Variants in ADGRL3 observed in about 807,000 individuals in gnomAD.
ADGRL3 encodes the protein calcium-independent alpha-latrotoxin receptor 3.
A neutral mutation model predicts 153.5 loss-of-function variants in ADGRL3; 62 were observed. The observed-to-expected ratio is 0.40, with a 90% CI of 0.33 to 0.50. The LOEUF (loss-of-function observed/expected upper bound fraction) is 0.50, where lower values mean the gene tolerates loss of function less well. Ranked by LOEUF, ADGRL3 falls within the 20% of genes least tolerant of loss-of-function variation. The probability of loss-of-function intolerance (pLI) is 0.47; values close to 1 mark genes in which losing one functional copy is unlikely to be tolerated. For missense variants in ADGRL3, 1,641 were observed against 1,859.4 expected (o/e 0.88, Z 2.16); for synonymous variants, 710 against 672.5 (o/e 1.06, Z -0.86).
chr4:61,601,974 A>G (rs929843498), intron 5 of ADGRL3, among the ~76,000 whole-genome samples: 6 of 152,140 alleles, frequency 3.9e-5, no homozygotes, highest in African/African-American at 7.2e-5. Flanking sequence ...ATGTTGTTAG[A>G]TCAAAAATGT....
intron 1 of ADGRL3, among the ~76,000 whole-genome samples, chr4:61,232,510 T>C (rs1751120872): frequency 6.6e-6 from 1 of 152,086 alleles, no homozygotes; most frequent in Non-Finnish European, 1.5e-5. Flanking sequence ...GGTTTCACCA[T>C]GTTGGCCAGG....
chr4:61,867,872 G>T (rs868591587), intron 9 of ADGRL3, among the ~76,000 whole-genome samples: 1 of 151,928 alleles, frequency 6.6e-6, no homozygotes, highest in Admixed American at 6.6e-5. Flanking sequence ...TTATAAATAT[G>T]TGGATTTTTT....
At chr4:61,525,073 A>G (rs2098551756) in intron 4 of ADGRL3, among the ~76,000 whole-genome samples, 1 of 152,108 alleles carries the variant, frequency 6.6e-6, no homozygotes, top group Non-Finnish European at 1.5e-5. Context: ...CAAGAGAAAG[A>G]ATAGGTAAAC....
At chr4:61,849,067 A>G (rs2098170362) in intron 9 of ADGRL3, among the ~76,000 whole-genome samples, 2 of 152,194 alleles carry the variant, frequency 1.3e-5, no homozygotes, top group African/African-American at 2.4e-5. Flanking sequence ...CAGTGAAGTT[A>G]TGATAGCAGT....
chr4:61,463,104 T>C (rs982836990), intron 2 of ADGRL3, among the ~76,000 whole-genome samples: 3 of 152,170 alleles, frequency 2.0e-5, no homozygotes, highest in Non-Finnish European at 2.9e-5. Flanking sequence ...TTTCTAGATA[T>C]GGTTAAAGGG....
chr4:61,333,644 A>G (rs781627451), intron 1 of ADGRL3, among the ~76,000 whole-genome samples: 1 of 151,796 alleles, frequency 6.6e-6, no homozygotes, highest in Non-Finnish European at 1.5e-5. Context: ...CCCAGGCTGG[A>G]ATGCAGGTCA....
At chr4:61,221,072 G>A (rs1440850097) in intron 1 of ADGRL3, among the ~76,000 whole-genome samples, 6 of 152,152 alleles carry the variant, frequency 3.9e-5, no homozygotes, top group African/African-American at 1.4e-4. Flanking sequence ...AGAAAACAGT[G>A]TCACTATTGC....
At chr4:61,936,451 A>G (rs1259359571) in intron 15 of ADGRL3, among the ~76,000 whole-genome samples, 2 of 152,056 alleles carry the variant, frequency 1.3e-5, no homozygotes, top group African/African-American at 4.8e-5. Flanking sequence ...CTTCTTTTTG[A>G]GAGTGTTTTT....
chr4:61,466,847 A>AT (rs994563377), intron 2 of ADGRL3, among the ~76,000 whole-genome samples: 15 of 150,852 alleles, frequency 9.9e-5, no homozygotes, highest in East Asian at 3.9e-4. Context: ...AGCTCCTAGA[A>AT]TTTTTTTTTT....
chr4:62,028,990 G>T (rs1486196689), intron 22 of ADGRL3, 109 bp downstream of exon 22: 7 of 902,852 alleles, frequency 7.8e-6, no homozygotes, highest in Non-Finnish European at 1.2e-5. Context: ...TTCACGTAGA[G>T]GCAGAAGAGC....
chr4:61,947,350 A>T (rs568421182), intron 16 of ADGRL3, among the ~76,000 whole-genome samples: 1 of 152,314 alleles, frequency 6.6e-6, no homozygotes, highest in South Asian at 2.1e-4. Flanking sequence ...TGGATTTATA[A>T]TTGCTTCTCC....
intron 9 of ADGRL3, among the ~76,000 whole-genome samples, chr4:61,840,069 C>T (rs559517544): frequency 1.3e-5 from 2 of 150,530 alleles, no homozygotes; most frequent in Non-Finnish European, 3.0e-5. Flanking sequence ...ACTAGTTTGT[C>T]TCATTTATTT....
At chr4:61,583,220 C>T (rs758812511) in intron 4 of ADGRL3, among the ~76,000 whole-genome samples, 1 of 152,026 alleles carries the variant, frequency 6.6e-6, no homozygotes, top group Non-Finnish European at 1.5e-5. Context: ...AAGTCTCTGA[C>T]CCCAGTCCAT....
intron 2 of ADGRL3, among the ~76,000 whole-genome samples, chr4:61,408,068 G>A (rs958788710): frequency 1.7e-4 from 26 of 152,012 alleles, no homozygotes; most frequent in South Asian, 2.1e-4. Context: ...GTGGAGCCAC[G>A]CGAGGGAAGA....
chr4:61,401,660 A>T (rs1267387287), intron 2 of ADGRL3, among the ~76,000 whole-genome samples: 1 of 152,048 alleles, frequency 6.6e-6, no homozygotes, highest in Non-Finnish European at 1.5e-5. Context: ...TTTGTCAAAA[A>T]TAAGTAAACA....
chr4:62,037,791 A>G lies in ADGRL3; in HGVS notation c.3652A>G (p.Ser1218Gly). Residue 1218 changes from serine to glycine, a missense_variant, in exon 24 of 27, where the codon AGT becomes GGT. Ser to Gly is a moderately conservative substitution (Grantham distance 56). Around this residue, in one of 5 missense-constraint regions of ADGRL3, gnomAD observed 517 missense variants for 555.0 expected, o/e 0.93. Transcript: ENST00000683033. The part of the protein sequence containing the change: ...THCCSGKSTE[S>G]SIGSGKTSGS... ...TTGCTGTAGTGGCAAAAGTACAGAGAGTTCCATTGGTTCAGGGAAAACATC... is the reference window on the plus strand; with the variant it reads ...TTGCTGTAGTGGCAAAAGTACAGAGGGTTCCATTGGTTCAGGGAAAACATC... The G allele has an allele frequency of 3.1e-6, 5 of 1,613,804 alleles. No homozygotes were observed. Among genetic ancestry groups the G allele is most frequent in the Non-Finnish European group, 4.2e-6 (5 of 1,179,764 alleles).
intron 6 of ADGRL3, among the ~76,000 whole-genome samples, chr4:61,708,147 T>C (rs1410977034): frequency 1.3e-5 from 2 of 152,160 alleles, no homozygotes; most frequent in Non-Finnish European, 2.9e-5. Context: ...TGCAAATATT[T>C]TCATGTTTAT....
At chr4:61,828,636 T>C (rs1020707312) in intron 9 of ADGRL3, among the ~76,000 whole-genome samples, 2 of 152,216 alleles carry the variant, frequency 1.3e-5, no homozygotes, top group African/African-American at 2.4e-5. Context: ...CTGATGAGTT[T>C]AAATGCATAT....
At chr4:61,842,494 T>C (rs977145148) in intron 9 of ADGRL3, among the ~76,000 whole-genome samples, 4 of 152,188 alleles carry the variant, frequency 2.6e-5, no homozygotes, top group African/African-American at 4.8e-5. Flanking sequence ...AGCTGGCTGA[T>C]TGAAAGCCAG....
Sources: gnomAD v4.1 joint callset for allele counts (sites outside exome capture counted in the v4.1 genomes callset) on GRCh38, gnomAD v4.1.1 for gene constraint, gnomAD v4.1.1 regional missense constraint, MANE v1.5 for transcripts, NCBI Gene and HGNC (gene_info 2026-07-23, HGNC 2026-07-21) for gene names.